IL1RAPL1: variants seen among roughly 807,000 people sequenced by gnomAD.
IL1RAPL1 encodes the protein interleukin 1 receptor accessory protein like 1.
A neutral mutation model predicts 48.4 loss-of-function variants in IL1RAPL1; 3 were observed. The ratio of observed to expected loss-of-function variants is 0.06; its 90% CI spans 0.03 to 0.16. IL1RAPL1 has a LOEUF of 0.16. Ranked by LOEUF, IL1RAPL1 falls within the 10% of genes least tolerant of loss-of-function variation. The pLI is 1.00. For missense variants in IL1RAPL1, 349 were observed against 530.6 expected (o/e 0.66, Z 3.36); for synonymous variants, 185 against 187.7 (o/e 0.99, Z 0.12).
intron 5 of IL1RAPL1, among the ~76,000 whole-genome samples, chrX:29,587,392 G>A (rs767328075): frequency 1.8e-5 from 2 of 109,028 alleles, no homozygotes; most frequent in South Asian, 4.0e-4. Context: ...GGGTTGGGGG[G>A]CATTGGAGTA....
intron 1 of IL1RAPL1, among the ~76,000 whole-genome samples, chrX:28,672,975 C>T (rs1281030909): frequency 9.0e-6 from 1 of 111,109 alleles, no homozygotes; most frequent in African/African-American, 3.3e-5. Flanking sequence ...TCTGAAATGC[C>T]CCAGTGTGTG....
intron 3 of IL1RAPL1, among the ~76,000 whole-genome samples, chrX:29,364,892 T>G (rs2147661853): frequency 8.9e-6 from 1 of 111,732 alleles, no homozygotes; most frequent in African/African-American, 3.2e-5. Context: ...TATAGACTTT[T>G]ATATATGTAT....
intron 2 of IL1RAPL1, among the ~76,000 whole-genome samples, chrX:28,927,853 C>G (rs1424541196): frequency 8.1e-5 from 9 of 111,262 alleles, no homozygotes; most frequent in Non-Finnish European, 1.7e-4. Flanking sequence ...AATGTTAGTG[C>G]CAGTTCTAGC....
intron 4 of IL1RAPL1, among the ~76,000 whole-genome samples, chrX:29,398,620 G>T (rs1045678296): frequency 2.7e-5 from 3 of 112,109 alleles, no homozygotes; most frequent in African/African-American, 9.7e-5. Context: ...TTTACTAAAT[G>T]CAAAACTAAA....
At chrX:29,251,572 G>T (rs1240477059) in intron 2 of IL1RAPL1, among the ~76,000 whole-genome samples, 1 of 111,340 alleles carries the variant, frequency 9.0e-6, no homozygotes, top group Non-Finnish European at 1.9e-5. Context: ...ATGTCAAAAA[G>T]AATCTCTTTT....
chrX:28,877,322 T>C (rs1414741738), intron 2 of IL1RAPL1, among the ~76,000 whole-genome samples: 3 of 112,670 alleles, frequency 2.7e-5, no homozygotes, highest in Non-Finnish European at 5.6e-5. Context: ...AGGCCATCTA[T>C]TTAGCAGTAC....
chrX:29,296,494 G>C (rs1036059136), intron 3 of IL1RAPL1, among the ~76,000 whole-genome samples: 1 of 108,273 alleles, frequency 9.2e-6, no homozygotes, highest in Non-Finnish European at 1.9e-5. Flanking sequence ...TTTGTAGAAT[G>C]AGTAATGCAT....
At chrX:29,180,905 C>G (rs1187479731) in intron 2 of IL1RAPL1, among the ~76,000 whole-genome samples, 1 of 111,590 alleles carries the variant, frequency 9.0e-6, no homozygotes, top group African/African-American at 3.3e-5. Flanking sequence ...TCAAGTATGT[C>G]TGTGTATATA....
At chrX:29,362,958 G>A (rs140664012) in intron 3 of IL1RAPL1, among the ~76,000 whole-genome samples, 1 of 111,587 alleles carries the variant, frequency 9.0e-6, no homozygotes, top group African/African-American at 3.3e-5. Flanking sequence ...ACAAGTGTGT[G>A]GAAAAAGTTC....
At chrX:29,119,273 C>T (rs1355951930) in intron 2 of IL1RAPL1, among the ~76,000 whole-genome samples, 3 of 110,884 alleles carry the variant, frequency 2.7e-5, no homozygotes, top group African/African-American at 9.8e-5. Flanking sequence ...TTCTATAATT[C>T]TCCAAAAGTG....
chrX:29,782,943 C>T (rs1175727573), intron 6 of IL1RAPL1, among the ~76,000 whole-genome samples: 1 of 75,051 alleles, frequency 1.3e-5, no homozygotes, highest in Non-Finnish European at 2.3e-5. Flanking sequence ...CTCACTCTGT[C>T]GCCCAGGCTG....
chrX:29,510,883 A>G (rs1195000020), intron 5 of IL1RAPL1, among the ~76,000 whole-genome samples: 1 of 111,981 alleles, frequency 8.9e-6, no homozygotes, highest in African/African-American at 3.2e-5. Flanking sequence ...CTGTCGATCT[A>G]GAAGCCCAGA....
intron 1 of IL1RAPL1, among the ~76,000 whole-genome samples, chrX:28,743,110 C>T (rs1026913960): frequency 3.6e-5 from 4 of 110,906 alleles, no homozygotes; most frequent in Non-Finnish European, 7.6e-5. Context: ...CTCAATTTGT[C>T]GTTCTCTTCT....
chrX:28,823,766 A>G (rs930289774), intron 2 of IL1RAPL1, among the ~76,000 whole-genome samples: 1 of 111,186 alleles, frequency 9.0e-6, no homozygotes, highest in Non-Finnish European at 1.9e-5. Context: ...TTCTGTAATC[A>G]CATCTCCTTT....
intron 5 of IL1RAPL1, among the ~76,000 whole-genome samples, chrX:29,586,376 G>A (rs1354156832): frequency 9.0e-6 from 1 of 111,001 alleles, no homozygotes; most frequent in Non-Finnish European, 1.9e-5. Flanking sequence ...ATTTATTTCT[G>A]GGTTCTCTAT....
At chrX:28,810,152 A>G (rs1936776978) in intron 2 of IL1RAPL1, among the ~76,000 whole-genome samples, 1 of 110,363 alleles carries the variant, frequency 9.1e-6, no homozygotes. Context: ...AGGAGTCTGC[A>G]GGCAGCTCAG....
intron 6 of IL1RAPL1, among the ~76,000 whole-genome samples, chrX:29,758,112 C>G (rs1928663631): frequency 9.0e-6 from 1 of 111,620 alleles, no homozygotes; most frequent in South Asian, 3.8e-4. Flanking sequence ...AGCTATTCAT[C>G]AAGTAGACAT....
At chrX:29,793,886 G>A (rs1021024900) in intron 6 of IL1RAPL1, among the ~76,000 whole-genome samples, 3 of 112,006 alleles carry the variant, frequency 2.7e-5, no homozygotes, top group Non-Finnish European at 3.8e-5. Context: ...CATATAATGT[G>A]CAGCTATTGC....
intron 5 of IL1RAPL1, among the ~76,000 whole-genome samples, chrX:29,605,897 A>G (rs1923875502): frequency 8.9e-6 from 1 of 112,231 alleles, no homozygotes; most frequent in East Asian, 2.8e-4. Context: ...GATGAAGGAC[A>G]TACTTAAAAT....
Sources: gnomAD v4.1 joint callset for allele counts (sites outside exome capture counted in the v4.1 genomes callset) on GRCh38, gnomAD v4.1.1 for gene constraint, MANE v1.5 for transcripts, NCBI Gene and HGNC (gene_info 2026-07-23, HGNC 2026-07-21) for gene names.